The following PHF19 variants were observed in gnomAD, a reference collection of about 807,000 sequenced individuals.
PHF19 encodes the protein PHD finger protein 19.
A neutral mutation model predicts 79.8 loss-of-function variants in PHF19; 21 were observed. The ratio of observed to expected loss-of-function variants is 0.26; its 90% CI spans 0.19 to 0.38. PHF19 has a LOEUF of 0.38. Ranked by LOEUF, PHF19 falls within the 10% of genes least tolerant of loss-of-function variation. The probability of loss-of-function intolerance (pLI) is 1.00; values close to 1 mark genes in which losing one functional copy is unlikely to be tolerated. For synonymous variants in PHF19, 273 were observed against 296.3 expected (o/e 0.92, Z 0.81); for missense variants, 445 against 744.2 (o/e 0.60, Z 4.68).
chr9:120,880,073 C>T (rs1609810), upstream of PHF19, among the ~76,000 whole-genome samples: 104,334 of 152,036 alleles, frequency 0.69, 36,063 homozygotes, highest in Middle Eastern at 0.8. Flanking sequence ...ACTGGTAAAA[C>T]GATTTTGGAG....
In PHF19 at chr9:120,862,003, A is replaced by T; in HGVS notation, c.1133T>A (p.Leu378Ter). The change falls in exon 12 of 15, where the codon TTG becomes TAG. Residue 378 changes from leucine (L) to a stop codon, truncating the protein, a stop_gained and splice_region_variant. Coordinates refer to ENST00000373896, the MANE Select transcript of PHF19 (RefSeq NM_015651.3). LOFTEE classifies it high-confidence loss of function. This position sits in a 1 kb window ranked among gnomAD's most constrained non-coding sequence, Gnocchi z 4.6. ...CTGCTGCTGGAATTCGTGAGGCAAC[A>T]AACTGTGGAGACAGAAGAGGGAGAA... is the stretch of plus-strand genomic sequence containing the variant. ...LRKRGKSKPGLLPHEFQQQKR... is the reference protein window; with the variant it reads ...LRKRGKSKPG 3 of 1,612,732 alleles carry T rather than the reference A, an allele frequency of 1.9e-6. No individual in the cohort carries two copies. Among genetic ancestry groups the T allele is most frequent in the Non-Finnish European group, 2.5e-6 (3 of 1,178,656 alleles).
chr9:120,885,210 C>T (rs896793273), intron 1 of PHF19, among the ~76,000 whole-genome samples: 2 of 151,722 alleles, frequency 1.3e-5, no homozygotes, highest in Non-Finnish European at 2.9e-5. Context: ...AGAGTGAGAC[C>T]CTGTGTCTTA....
chr9:120,873,717 C>T (rs2045969060), intron 3 of PHF19, among the ~76,000 whole-genome samples: 1 of 152,226 alleles, frequency 6.6e-6, no homozygotes, highest in Non-Finnish European at 1.5e-5. Flanking sequence ...CTGGCCCTCC[C>T]AGCACCTCCC....
At chr9:120,865,339 G>C (rs763709679) in intron 9 of PHF19, among the ~76,000 whole-genome samples, 1 of 152,206 alleles carries the variant, frequency 6.6e-6, no homozygotes, top group African/African-American at 2.4e-5. Flanking sequence ...ATTTCACTCC[G>C]TGGATCTGAG....
Position 120,874,407 on chromosome 9 carries a change from C to T in PHF19, c.186+149G>A. 1.6e-6 allele frequency: 1 copy of T among 614,286 alleles called. No homozygotes were observed. Among genetic ancestry groups the T allele is most frequent in the Non-Finnish European group, 2.9e-6 (1 of 346,720 alleles). 38.1% of individuals were successfully genotyped at this position (614,286 alleles called of 1,614,324 possible). ...TAGGGATGGTGCCTGCAAGACCAGG[C>T]TCTGGCCCCTCCCACCACCAGCTTT... On this transcript the variant is annotated intron_variant, in intron 2 of 14. Coordinates refer to ENST00000373896, the MANE Select transcript of PHF19 (RefSeq NM_015651.3). The surrounding 1 kb of genome is among the most constrained non-coding windows in gnomAD (Gnocchi z 4.5).
At position 120,860,400 on chromosome 9, in the gene PHF19, G is replaced by C. The variant is rs1039663592; in HGVS notation, c.1305-215C>G. The C allele has an allele frequency of 1.9e-6, 1 of 536,574 alleles. No individual in the cohort carries two copies. Among genetic ancestry groups the C allele is most frequent in the South Asian group, 2.0e-5 (1 of 49,964 alleles). 33.2% of individuals were successfully genotyped at this position (536,574 alleles called of 1,614,324 possible). On this transcript the variant is annotated intron_variant, in intron 13 of 14. Coordinates refer to ENST00000373896, the MANE Select transcript of PHF19 (RefSeq NM_015651.3). This position sits in a 1 kb window ranked among gnomAD's most constrained non-coding sequence, Gnocchi z 4.1. ...ACCTCCTGGAGCACCCTCCCCTGGCGGTGACGTAAGCACTGGTGTCAATAA... is the reference window on the plus strand; with the variant it reads ...ACCTCCTGGAGCACCCTCCCCTGGCCGTGACGTAAGCACTGGTGTCAATAA...
In PHF19 at chr9:120,870,661, C is replaced by T. The variant is rs1588114032; in HGVS notation, c.269-123G>A. 1 of 643,850 alleles carries T rather than the reference C, an allele frequency of 1.6e-6. No homozygotes were observed. The highest frequency in any genetic ancestry group is 2.7e-5 in the East Asian group (1 of 36,484). The allele number at this position is 643,850 out of a possible 1,614,324, so 39.9% of individuals were successfully genotyped here. ...GCGCTGGGCCCCACATGCCACCTCA[C>T]TGAATCTCCCCAACCACTCTGAGAT... On this transcript the variant is annotated intron_variant, in intron 3 of 14. Coordinates refer to ENST00000373896, the MANE Select transcript of PHF19 (RefSeq NM_015651.3). This position sits in a 1 kb window ranked among gnomAD's most constrained non-coding sequence, Gnocchi z 4.4.
rs1009547685 is a variant in PHF19, at chr9:120,873,980, A to G, written c.267T>C (p.His89=). The G allele has an allele frequency of 1.0e-5, 16 of 1,560,582 alleles. No homozygotes were observed. Among genetic ancestry groups the G allele is most frequent in the Non-Finnish European group, 1.3e-5 (15 of 1,131,868 alleles). Reference sequence around the variant, plus strand: ...ACCCGAAATGTTAGGAAAACTCACCATGCTGTATGTCCTTCCATAGGACCC... The same window carrying G: ...ACCCGAAATGTTAGGAAAACTCACCGTGCTGTATGTCCTTCCATAGGACCC... ...KYWVLWKDIQ[H]AGVPGEEPKC... The change falls in exon 3 of 15, where the codon CAT becomes CAC. Residue 89 remains histidine, a splice_region_variant and synonymous_variant. Transcript: ENST00000373896.
Position 120,864,040 on chromosome 9 carries a change from T to A in PHF19, c.968+9A>T. 1 of 1,612,184 alleles carries A rather than the reference T, an allele frequency of 6.2e-7. No individual in the cohort carries two copies. Among genetic ancestry groups the A allele is most frequent in the South Asian group, 1.1e-5 (1 of 90,632 alleles). ...GCCCCACCACACTCCCTCCCCTCCC[T>A]GCACGCACCGGCTTTTATAACTGTT... is the stretch of plus-strand genomic sequence containing the variant. On this transcript the variant is annotated intron_variant, in intron 10 of 14. Transcript: ENST00000373896.
At chr9:120,877,349 G>A, upstream of PHF19, 1 of 981,344 alleles carries the variant, frequency 1.0e-6, no homozygotes, top group Non-Finnish European at 1.2e-6. Flanking sequence ...GCGAATTATT[G>A]ACGTCCCGCT....
chr9:120,878,395 T>A (rs1441064073), upstream of PHF19, among the ~76,000 whole-genome samples: 1 of 151,994 alleles, frequency 6.6e-6, no homozygotes, highest in Non-Finnish European at 1.5e-5. Flanking sequence ...CACTTACCAA[T>A]AACCCCACCC....
intron 8 of PHF19, 74 bp from the exon 9 acceptor site, chr9:120,865,904 C>T: frequency 6.2e-7 from 1 of 1,608,160 alleles, no homozygotes; most frequent in Non-Finnish European, 8.5e-7. Flanking sequence ...CTTTCTGGGT[C>T]CAGGCTGAGA....
intron 3 of PHF19, 90 bp downstream of exon 3, chr9:120,873,889 A>G (rs2045974067): frequency 8.3e-6 from 6 of 722,030 alleles, no homozygotes; most frequent in Non-Finnish European, 1.5e-5. Flanking sequence ...CAGGAGTAAG[A>G]GATGGAAGGA....
At chr9:120,878,155 A>G (rs2046119232), upstream of PHF19, among the ~76,000 whole-genome samples, 1 of 152,204 alleles carries the variant, frequency 6.6e-6, no homozygotes, top group Admixed American at 6.5e-5. Flanking sequence ...CCAAACAACA[A>G]ATTGCGTAGA....
chr9:120,869,574 G>A lies in PHF19; in HGVS notation c.466-244C>T, dbSNP rs2045826468. On this transcript the variant is annotated intron_variant, in intron 5 of 14. Transcript: ENST00000373896. The surrounding 1 kb of genome is among the most constrained non-coding windows in gnomAD (Gnocchi z 5.8). ...CAATAAAGGCAACAATTACCAACAT[G>A]TATTTACATGGATTTTCTTTTTTAA... is the stretch of plus-strand genomic sequence containing the variant. The A allele has an allele frequency of 5.5e-6, 8 of 1,461,104 alleles. No homozygotes were observed. Among genetic ancestry groups the A allele is most frequent in the South Asian group, 1.4e-5 (1 of 70,214 alleles). The allele number at this position is 1,461,104 out of a possible 1,614,324, so 90.5% of individuals were successfully genotyped here. A position where few individuals can be genotyped will look rare whatever the true frequency, so the allele number is the denominator to read the frequency against.
Position 120,869,694 on chromosome 9 carries a change from C to A in PHF19, c.465+151G>T, listed in dbSNP as rs1236775960. ...ACTGAGGCTCAGGGAGTCTACAAAT[C>A]CTGGCCAAGGACAGTGGCAGAGGCG... On this transcript the variant is annotated intron_variant, in intron 5 of 14. Transcript: ENST00000373896. The surrounding 1 kb of genome is among the most constrained non-coding windows in gnomAD (Gnocchi z 5.8). The A allele has an allele frequency of 3.9e-6, 6 of 1,552,670 alleles. No homozygotes were observed. Among genetic ancestry groups the A allele is most frequent in the Non-Finnish European group, 4.4e-6 (5 of 1,147,382 alleles).
At chr9:120,859,102 G>A (rs993398585) in intron 14 of PHF19, among the ~76,000 whole-genome samples, 2 of 152,050 alleles carry the variant, frequency 1.3e-5, no homozygotes, top group Admixed American at 1.3e-4. Context: ...TTGGGCAACA[G>A]AGTGAGACTG....
chr9:120,882,817 G>C (rs2046205671), intron 1 of PHF19, among the ~76,000 whole-genome samples: 1 of 149,524 alleles, frequency 6.7e-6, no homozygotes, highest in Non-Finnish European at 1.5e-5. Context: ...ACTCCAGCCT[G>C]GGTGACAAGA....
intron 6 of PHF19, among the ~76,000 whole-genome samples, chr9:120,867,982 C>G (rs2045753602): frequency 6.6e-6 from 1 of 152,240 alleles, no homozygotes; most frequent in Admixed American, 6.5e-5. Flanking sequence ...AGAGCCAGGA[C>G]AAGAATTCCC....
Sources: allele counts gnomAD v4.1 joint callset (sites outside exome capture counted in the v4.1 genomes callset), GRCh38; gene constraint gnomAD v4.1.1; non-coding constraint Gnocchi (gnomAD v3.1); transcripts MANE v1.5; gene names NCBI Gene and HGNC (gene_info 2026-07-23, HGNC 2026-07-21).